The following IMMP2L variants were observed in gnomAD, a reference collection of about 807,000 sequenced individuals.
IMMP2L encodes inner mitochondrial membrane peptidase subunit 2.
In IMMP2L, 18 loss-of-function variants were observed where a neutral mutation model predicts 19.3. The ratio of observed to expected loss-of-function variants is 0.93; its 90% CI spans 0.64 to 1.38. The LOEUF (loss-of-function observed/expected upper bound fraction) is 1.38. IMMP2L is among the 40% of genes most tolerant of loss of function. The pLI, the probability that IMMP2L is intolerant of heterozygous loss-of-function variation, is 0.00. For missense variants in IMMP2L, 233 were observed against 218.2 expected (o/e 1.07, Z -0.43); for synonymous variants, 76 against 73.0 (o/e 1.04, Z -0.21).
chr7:110,867,047 CTT>C (rs1390173925), intron 5 of IMMP2L, among the ~76,000 whole-genome samples: 2 of 151,944 alleles, frequency 1.3e-5, no homozygotes, highest in African/African-American at 4.8e-5. Context: ...CACTCAATAA[CTT>C]ATCCATATAA....
chr7:110,737,221 T>C (rs1173169087), intron 5 of IMMP2L, among the ~76,000 whole-genome samples: 1 of 152,086 alleles, frequency 6.6e-6, no homozygotes, highest in Middle Eastern at 3.2e-3. Flanking sequence ...CTCCCTGAGA[T>C]GCCAAAAAAA....
intron 5 of IMMP2L, among the ~76,000 whole-genome samples, chr7:110,741,753 A>T (rs1468490648): frequency 1.3e-5 from 2 of 152,214 alleles, no homozygotes; most frequent in African/African-American, 4.8e-5. Flanking sequence ...CTATTATTTT[A>T]TAGAAATTAC....
At chr7:111,101,429 G>C (rs1315185906) in intron 3 of IMMP2L, among the ~76,000 whole-genome samples, 1 of 151,452 alleles carries the variant, frequency 6.6e-6, no homozygotes, top group African/African-American at 2.4e-5. Context: ...CAGAATCTGT[G>C]AGAGTAACAC....
chr7:111,124,941 A>G, intron 3 of IMMP2L: 1 of 1,413,872 alleles, frequency 7.1e-7, no homozygotes, highest in Non-Finnish European at 9.5e-7. Flanking sequence ...ACAAAAAAAA[A>G]AAAAGCGAAA....
At chr7:110,795,653 C>A (rs889370139) in intron 5 of IMMP2L, among the ~76,000 whole-genome samples, 1 of 152,050 alleles carries the variant, frequency 6.6e-6, no homozygotes, top group Non-Finnish European at 1.5e-5. Flanking sequence ...CACAGTCAAT[C>A]TGGGATTCAG....
intron 5 of IMMP2L, among the ~76,000 whole-genome samples, chr7:110,854,771 C>T (rs899478771): frequency 7.2e-5 from 11 of 151,858 alleles, no homozygotes; most frequent in African/African-American, 2.4e-4. Context: ...AAATAGTTTG[C>T]TTGAGTCTCT....
chr7:110,898,890 G>C (rs1428762961), intron 4 of IMMP2L, among the ~76,000 whole-genome samples: 3 of 151,430 alleles, frequency 2.0e-5, no homozygotes, highest in Non-Finnish European at 4.4e-5. Context: ...TTCTAGGTGG[G>C]AAGCTCAGGA....
intron 4 of IMMP2L, among the ~76,000 whole-genome samples, chr7:110,932,634 G>A (rs543693235): frequency 9.9e-4 from 151 of 152,312 alleles, no homozygotes; most frequent in African/African-American, 3.5e-3. Flanking sequence ...GATTATAGGC[G>A]TGAGCCAATG....
chr7:111,550,515 T>G (rs980806641), intron 1 of IMMP2L, among the ~76,000 whole-genome samples: 8 of 152,214 alleles, frequency 5.3e-5, no homozygotes, highest in African/African-American at 1.9e-4. Flanking sequence ...TGGTGGGGGA[T>G]GTTGATCATG....
In IMMP2L at chr7:110,935,000, A is replaced by C. The variant is rs578077331; in HGVS notation, c.305+28500T>G. On this transcript the variant is annotated intron_variant, in intron 4 of 5. Transcript: ENST00000405709. The stretch of plus-strand genomic sequence containing the variant: ...GGGGGCATTTAGCCCATCTACATTT[A>C]AGGTTAATATTTTTATGTGTGAATT... Among the ~76,000 whole-genome samples the C allele has an allele frequency of 2.4e-4, 36 of 152,294 alleles. 1 individual carries two copies. Among genetic ancestry groups the C allele is most frequent in the Non-Finnish European group, 5.9e-5 (4 of 68,028 alleles).
At chr7:111,116,358 T>C (rs1243592286) in intron 3 of IMMP2L, among the ~76,000 whole-genome samples, 2 of 152,218 alleles carry the variant, frequency 1.3e-5, no homozygotes, top group Admixed American at 1.3e-4. Flanking sequence ...AAGAGGATTT[T>C]TGCCAGTTTG....
chr7:110,937,140 G>A (rs999525131), intron 4 of IMMP2L, among the ~76,000 whole-genome samples: 3 of 152,108 alleles, frequency 2.0e-5, no homozygotes, highest in Non-Finnish European at 4.4e-5. Flanking sequence ...ACCATGGCAC[G>A]TGTACATCTA....
chr7:110,742,279 C>A lies in IMMP2L; in HGVS notation c.409-78558G>T, dbSNP rs114303710. The stretch of plus-strand genomic sequence containing the variant: ...GAAAAGCACAATGGCAATAACATAA[C>A]CAAAAGGCTTAAAAATGTTTATATA... On this transcript the variant is annotated intron_variant, in intron 5 of 5. Coordinates refer to ENST00000405709, the MANE Select transcript of IMMP2L (RefSeq NM_032549.4). 3.7e-3 allele frequency among the ~76,000 whole-genome samples: 565 copies of A among 152,096 alleles called. 4 individuals carry two copies. The highest frequency in any genetic ancestry group is 0.013 in the African/African-American group (547 of 41,512).
intron 3 of IMMP2L, among the ~76,000 whole-genome samples, chr7:111,098,161 A>G (rs1320050439): frequency 1.3e-5 from 2 of 151,866 alleles, no homozygotes; most frequent in East Asian, 3.9e-4. Context: ...ATAAGATATA[A>G]ACATCATCCA....
chr7:110,766,814 C>T (rs111255753), intron 5 of IMMP2L, among the ~76,000 whole-genome samples: 9 of 151,964 alleles, frequency 5.9e-5, no homozygotes, highest in Admixed American at 3.3e-4. Flanking sequence ...AAGGCAGAAA[C>T]GTAACTGATT....
chr7:111,331,265 T>C (rs1248299628), intron 3 of IMMP2L, among the ~76,000 whole-genome samples: 1 of 151,960 alleles, frequency 6.6e-6, no homozygotes, highest in Non-Finnish European at 1.5e-5. Flanking sequence ...AAGGATTCTG[T>C]CATTTGTAGC....
chr7:111,277,719 A>C (rs1819252440), intron 3 of IMMP2L, among the ~76,000 whole-genome samples: 1 of 152,190 alleles, frequency 6.6e-6, no homozygotes, highest in Non-Finnish European at 1.5e-5. Flanking sequence ...CCATCCAGCA[A>C]TCCCACTACT....
chr7:111,387,988 A>AAAAAAAAAAAAAC (rs1563131624), intron 3 of IMMP2L, among the ~76,000 whole-genome samples: 2 of 150,664 alleles, frequency 1.3e-5, no homozygotes, highest in African/African-American at 4.9e-5. Flanking sequence ...AAAAAAAAAA[A>AAAAAAAAAAAAAC]AAAAAAAAAA....
chr7:110,807,812 T>C (rs1383392604), intron 5 of IMMP2L, among the ~76,000 whole-genome samples: 1 of 152,006 alleles, frequency 6.6e-6, no homozygotes, highest in African/African-American at 2.4e-5. Context: ...TCACAAAAAC[T>C]GGCCCCCAGC....
Sources: gnomAD v4.1 joint callset for allele counts (sites outside exome capture counted in the v4.1 genomes callset) on GRCh38, gnomAD v4.1.1 for gene constraint, MANE v1.5 for transcripts, NCBI Gene and HGNC (gene_info 2026-07-23, HGNC 2026-07-21) for gene names.